The following TRMT10A variants were observed in gnomAD, a reference collection of about 807,000 sequenced individuals.
TRMT10A encodes the protein tRNA methyltransferase 10A.
In TRMT10A, 37 loss-of-function variants were observed where a neutral mutation model predicts 40.4. The ratio of observed to expected loss-of-function variants is 0.92; its 90% CI spans 0.71 to 1.21. The LOEUF (loss-of-function observed/expected upper bound fraction) is 1.21, where lower values mean the gene tolerates loss of function less well. TRMT10A is among the 50% of genes most tolerant of loss of function. TRMT10A has a pLI of 0.00. For missense variants in TRMT10A, 388 were observed against 404.3 expected, an observed-to-expected ratio of 0.96 and a Z score of 0.35; for synonymous variants, 103 against 134.1, an observed-to-expected ratio of 0.77 and a Z score of 1.60.
At chr4:99,562,429 A>G (rs1724455023) in intron 1 of TRMT10A, among the ~76,000 whole-genome samples, 1 of 151,026 alleles carries the variant, frequency 6.6e-6, no homozygotes, top group East Asian at 1.9e-4. Flanking sequence ...TTAATTTATG[A>G]CAGTCTCCTT....
chr4:99,561,090 C>T (rs1278757900), intron 1 of TRMT10A, among the ~76,000 whole-genome samples: 1 of 152,002 alleles, frequency 6.6e-6, no homozygotes, highest in African/African-American at 2.4e-5. Context: ...CCTCAACCTT[C>T]TGAGTAACTG....
At position 99,553,784 on chromosome 4, in the gene TRMT10A, C is replaced by A. The variant is rs757085138; in HGVS notation, c.645+1G>T. 57 of 1,599,824 alleles carry A rather than the reference C, an allele frequency of 3.6e-5. No homozygotes were observed. On this transcript the variant is annotated splice_donor_variant, in intron 6 of 7. Transcript: ENST00000394876. LOFTEE classifies it high-confidence loss of function. ...AAGCAAAAATAAAAATTTAATAGTACCTTGTGATGGTTGTGATCTACTAAT... is the reference window on the plus strand; with the variant it reads ...AAGCAAAAATAAAAATTTAATAGTAACTTGTGATGGTTGTGATCTACTAAT...
chr4:99,563,279 T>TA (rs1724527565), intron 1 of TRMT10A: 2 of 152,670 alleles, frequency 1.3e-5, no homozygotes, highest in African/African-American at 4.8e-5. Context: ...ATCCTCTTCA[T>TA]ATCTGTAGAA....
At chr4:99,563,245 G>A (rs772190001) in intron 1 of TRMT10A, 2 of 152,370 alleles carry the variant, frequency 1.3e-5, no homozygotes, top group Admixed American at 6.5e-5. Context: ...AATTCTTTCA[G>A]AAAGTGACAA....
Position 99,557,383 on chromosome 4 carries a change from A to C in TRMT10A, c.382T>G (p.Cys128Gly), listed in dbSNP as rs780478683. Residue 128 changes from cysteine to glycine, a missense_variant, in exon 4 of 8, where the codon TGT (cysteine) becomes GGT (glycine). Physicochemically the swap from Cys to Gly is radical, Grantham distance 159 (BLOSUM62 -3). Coordinates refer to ENST00000394876, the MANE Select transcript of TRMT10A (RefSeq NM_001134665.3). ...IKKLHKQIQR[C>G]YAENRRALHP... ...AGTGCCCGTCGGTTTTCTGCGTAAC[A>C]TCGTTGAATCTGCTTATGAAGTTTC... The C allele has an allele frequency of 6.2e-7, 1 of 1,613,588 alleles. No homozygotes were observed. The highest frequency in any genetic ancestry group is 8.5e-7 in the Non-Finnish European group (1 of 1,179,632).
chr4:99,560,044 A>G (rs1393012530), intron 1 of TRMT10A, among the ~76,000 whole-genome samples: 1 of 152,086 alleles, frequency 6.6e-6, no homozygotes, highest in Non-Finnish European at 1.5e-5. Flanking sequence ...AAAATTTTAA[A>G]AAGAGATGAA....
chr4:99,562,962 C>G (rs1724503456), intron 1 of TRMT10A, among the ~76,000 whole-genome samples: 1 of 152,178 alleles, frequency 6.6e-6, no homozygotes, highest in African/African-American at 2.4e-5. Flanking sequence ...GCTGGGATTA[C>G]TGGCATGCGC....
chr4:99,557,708 C>G, intron 3 of TRMT10A: 1 of 392,680 alleles, frequency 2.5e-6, no homozygotes, highest in Non-Finnish European at 4.5e-6. Context: ...TAGAGCCATA[C>G]TATTACTATT....
intron 1 of TRMT10A, 103 bp downstream of exon 1, chr4:99,563,810 C>T (rs1046766602): frequency 3.2e-6 from 2 of 616,732 alleles, no homozygotes; most frequent in African/African-American, 1.8e-5. Context: ...CCCCTCTCCC[C>T]CGGAAGCCCT....
intron 5 of TRMT10A, 124 bp from the exon 6 acceptor site, chr4:99,554,058 T>C (rs761759148): frequency 1.8e-5 from 17 of 961,572 alleles, no homozygotes; most frequent in Non-Finnish European, 2.2e-5. Flanking sequence ...TTTGAAATAA[T>C]ATAATTACAA....
rs1724287955 is a variant in TRMT10A at position 99,559,274 on chromosome 4, T to C, written c.65A>G (p.Asn22Ser). ...TSNVDKKQGI[N>S]EDQEESQKPR... Reference sequence around the variant, plus strand: ...CTTCTGGCTCTCCTCTTGATCTTCATTTATGCCTTGCTTTTTGTCAACATT... The same window carrying C: ...CTTCTGGCTCTCCTCTTGATCTTCACTTATGCCTTGCTTTTTGTCAACATT... Residue 22 changes from asparagine to serine, a missense_variant, in exon 2 of 8, where the codon AAT (asparagine) becomes AGT (serine). Asn to Ser is a conservative substitution (Grantham distance 46). Transcript: ENST00000394876. 7 of 1,613,322 alleles carry C rather than the reference T, an allele frequency of 4.3e-6. No homozygotes were observed. The highest frequency in any genetic ancestry group is 1.1e-5 in the South Asian group (1 of 91,004).
chr4:99,559,924 T>C (rs1016868426), intron 1 of TRMT10A, among the ~76,000 whole-genome samples: 8 of 152,146 alleles, frequency 5.3e-5, no homozygotes, highest in Admixed American at 1.3e-4. Flanking sequence ...ATATATACAT[T>C]ACGACCAACT....
chr4:99,548,960 C>G lies in TRMT10A; in HGVS notation c.*128G>C. ...CTTTTTTTTTTATTATTATTTAGGT[C>G]CAAAAAAAAGTTTTTAAAAATCACA... On this transcript the variant is annotated 3_prime_UTR_variant, in exon 8 of 8. Coordinates refer to ENST00000394876, the MANE Select transcript of TRMT10A (RefSeq NM_001134665.3). The G allele has an allele frequency of 1.1e-6, 1 of 946,268 alleles. No individual in the cohort carries two copies. Among genetic ancestry groups the G allele is most frequent in the Non-Finnish European group, 1.5e-6 (1 of 687,840 alleles). The allele number at this position is 946,268 out of a possible 1,614,324, so 58.6% of individuals were successfully genotyped here.
chr4:99,558,288 C>T, intron 2 of TRMT10A, 77 bp from the exon 3 acceptor site: 2 of 1,257,970 alleles, frequency 1.6e-6, no homozygotes, highest in Non-Finnish European at 2.2e-6. Context: ...TAAACAATTC[C>T]TTTTAAAAAT....
intron 1 of TRMT10A, among the ~76,000 whole-genome samples, chr4:99,562,035 G>A (rs1724418530): frequency 6.6e-6 from 1 of 151,950 alleles, no homozygotes; most frequent in Non-Finnish European, 1.5e-5. Flanking sequence ...GCCAGGCGTG[G>A]TAGTGGACGC....
Position 99,558,225 on chromosome 4 carries a change from T to C in TRMT10A, c.186-14A>G, listed in dbSNP as rs1231989412. 8.2e-6 allele frequency: 13 copies of C among 1,579,986 alleles called. No homozygotes were observed. The highest frequency in any genetic ancestry group is 1.1e-5 in the Non-Finnish European group (13 of 1,165,934). On this transcript the variant is annotated splice_polypyrimidine_tract_variant and intron_variant, in intron 2 of 7. Coordinates refer to ENST00000394876, the MANE Select transcript of TRMT10A (RefSeq NM_001134665.3). ...TTTCGCTTTTGTCTAAAATTAGTAA[T>C]TGAAATAACATTTTGTTATTGTGTA...
intron 1 of TRMT10A, among the ~76,000 whole-genome samples, chr4:99,561,213 C>CCTCG (rs1407629757): frequency 6.6e-6 from 1 of 152,126 alleles, no homozygotes; most frequent in Non-Finnish European, 1.5e-5. Context: ...GATCCGCCTG[C>CCTCG]CTCGGCCTCC....
At chr4:99,555,910 T>C (rs1465717203) in intron 5 of TRMT10A, among the ~76,000 whole-genome samples, 1 of 152,180 alleles carries the variant, frequency 6.6e-6, no homozygotes, top group Non-Finnish European at 1.5e-5. Context: ...TTTTTAAAAA[T>C]ACGTTTTAAA....
chr4:99,550,106 GA>G (rs11332028), intron 7 of TRMT10A, among the ~76,000 whole-genome samples: 89,902 of 151,868 alleles, frequency 0.59, 29,840 homozygotes, highest in African/African-American at 0.89. Flanking sequence ...ACAGCAAAAA[GA>G]AAAAAAACAC....
Sources: gnomAD v4.1 joint callset for allele counts (sites outside exome capture counted in the v4.1 genomes callset) on GRCh38, gnomAD v4.1.1 for gene constraint, MANE v1.5 for transcripts, NCBI Gene and HGNC (gene_info 2026-07-23, HGNC 2026-07-21) for gene names.